Variants in ABHD18 observed in about 807,000 individuals in gnomAD.
ABHD18 encodes the protein cardiolipin-specific deacylase, mitochondrial.
Under a neutral mutation model 65.9 loss-of-function variants are expected in ABHD18, and 55 were observed. That is an observed-to-expected ratio of 0.84 (90% CI 0.67 to 1.05). ABHD18 has a LOEUF of 1.05. Ranked by LOEUF, ABHD18 falls within the 50% of genes least tolerant of loss-of-function variation. The probability of loss-of-function intolerance (pLI) is 0.00; values close to 1 mark genes in which losing one functional copy is unlikely to be tolerated. For synonymous variants in ABHD18, 181 were observed against 180.2 expected, an observed-to-expected ratio of 1.00 and a Z score of -0.04; for missense variants, 533 against 558.5, an observed-to-expected ratio of 0.95 and a Z score of 0.46.
chr4:127,970,452 C>T (rs1005741891), intron 1 of ABHD18, among the ~76,000 whole-genome samples: 4 of 151,290 alleles, frequency 2.6e-5, no homozygotes, highest in African/African-American at 4.9e-5. Flanking sequence ...ATTAGCCAGG[C>T]GTGGTGGTGC....
intron 7 of ABHD18, among the ~76,000 whole-genome samples, chr4:128,012,938 C>T (rs1431472811): frequency 6.6e-6 from 1 of 151,516 alleles, no homozygotes; most frequent in Non-Finnish European, 1.5e-5. Context: ...TGGTGGTATG[C>T]ACCTGTAGTC....
In ABHD18 at chr4:128,037,877, T is replaced by C. The variant is rs1759025166; in HGVS notation, c.*2064T>C. ...TATGGCTCGATTTGGTGCTTTCTTTTTATGTTAAACTTCTCTAGCTGTCAG... is the reference window on the plus strand; with the variant it reads ...TATGGCTCGATTTGGTGCTTTCTTTCTATGTTAAACTTCTCTAGCTGTCAG... On this transcript the variant is annotated 3_prime_UTR_variant, in exon 13 of 13. Coordinates refer to ENST00000645843, the MANE Select transcript of ABHD18 (RefSeq NM_001358451.3). The C allele has an allele frequency of 6.7e-6, 1 of 148,628 alleles. No individual in the cohort carries two copies. Among genetic ancestry groups the C allele is most frequent in the South Asian group, 2.1e-4 (1 of 4,752 alleles). The allele number at this position is 148,628 out of a possible 1,614,324, so 9.2% of individuals were successfully genotyped here. A position where few individuals can be genotyped will look rare whatever the true frequency, so the allele number is the denominator to read the frequency against.
At chr4:127,994,883 C>A (rs1178676857) in intron 4 of ABHD18, among the ~76,000 whole-genome samples, 3 of 151,840 alleles carry the variant, frequency 2.0e-5, no homozygotes, top group Non-Finnish European at 4.4e-5. Context: ...TGTATTTATT[C>A]ATTTTTAAAT....
intron 10 of ABHD18, among the ~76,000 whole-genome samples, chr4:128,024,174 T>G (rs1482952850): frequency 1.3e-5 from 2 of 152,282 alleles, no homozygotes; most frequent in East Asian, 1.9e-4. Flanking sequence ...CTTGCTGCAT[T>G]ATTTCATGGC....
At chr4:128,003,580 C>G (rs145624969) in intron 4 of ABHD18, among the ~76,000 whole-genome samples, 38 of 151,928 alleles carry the variant, frequency 2.5e-4, no homozygotes, top group African/African-American at 8.7e-4. Flanking sequence ...GGCTTTTTAT[C>G]ATAATTTCCA....
chr4:128,035,733 TAG>T (rs1758822674), intron 12 of ABHD18, 27 bp from the exon 13 acceptor site: 1 of 1,410,924 alleles, frequency 7.1e-7, no homozygotes. Flanking sequence ...GTTAGTTACT[TAG>T]AGTTTTTCTT....
At chr4:127,994,873 T>C (rs1751487074) in intron 4 of ABHD18, among the ~76,000 whole-genome samples, 2 of 152,136 alleles carry the variant, frequency 1.3e-5, no homozygotes, top group African/African-American at 2.4e-5. Context: ...ATTTTATGTA[T>C]GTATTTATTC....
intron 10 of ABHD18, among the ~76,000 whole-genome samples, chr4:128,026,686 A>G (rs149491055): frequency 6.6e-6 from 1 of 152,156 alleles, no homozygotes; most frequent in East Asian, 1.9e-4. Context: ...TTTTTACTTA[A>G]ATTCTATTGT....
In ABHD18 at chr4:127,989,744, GA is replaced by G; in HGVS notation, c.202del (p.Ile68SerfsTer2). The G allele has an allele frequency of 6.3e-7, 1 of 1,593,976 alleles. No individual in the cohort carries two copies. Among genetic ancestry groups the G allele is most frequent in the Non-Finnish European group, 8.5e-7 (1 of 1,170,192 alleles). On this transcript the variant is annotated frameshift_variant, in exon 4 of 13. Transcript: ENST00000645843. LOFTEE classifies it high-confidence loss of function. The stretch of plus-strand genomic sequence containing the variant: ...AGATTGAAGAGCAATCAGATTGTAA[GA>G]TCTTAGATGGACACTTTGTTTCCCC... ...DKIEEQSDCK[I>X]LDGHFVSPMA...
At chr4:127,969,626 T>C (rs1362282236) in intron 1 of ABHD18, among the ~76,000 whole-genome samples, 1 of 152,198 alleles carries the variant, frequency 6.6e-6, no homozygotes, top group Non-Finnish European at 1.5e-5. Context: ...ACTTTCTAAT[T>C]CTATATTTTT....
rs1379445016 is a variant in ABHD18 at position 128,022,785 on chromosome 4, T to TC, written c.801+1548dup. Among the ~76,000 whole-genome samples, 13 of 151,372 alleles carry TC rather than the reference T, an allele frequency of 8.6e-5. No individual in the cohort carries two copies. The South Asian group carries it at 2.5e-3, about 29-fold the overall frequency. On this transcript the variant is annotated intron_variant, in intron 10 of 12. Transcript: ENST00000645843. Reference sequence around the variant, plus strand: ...GATCCTTTTCTTTTTTTTTTTTTTTTCTCTGTCTTGCTGTGTCGCCCAGGC... The same window carrying TC: ...GATCCTTTTCTTTTTTTTTTTTTTTTCCTCTGTCTTGCTGTGTCGCCCAGGC...
At position 128,037,970 on chromosome 4, in the gene ABHD18, G is replaced by C. The variant is rs1403723895; in HGVS notation, c.*2157G>C. On this transcript the variant is annotated 3_prime_UTR_variant, in exon 13 of 13. Coordinates refer to ENST00000645843, the MANE Select transcript of ABHD18 (RefSeq NM_001358451.3). ...GAAGTTTTACAGTAGGTATTTTTGA[G>C]TTTTGTTTGAAATCTGTGTTGTCTG... The C allele has an allele frequency of 1.3e-5, 2 of 152,120 alleles. No homozygotes were observed. The highest frequency in any genetic ancestry group is 1.5e-5 in the Non-Finnish European group (1 of 68,028). The allele number at this position is 152,120 out of a possible 1,614,324, so 9.4% of individuals were successfully genotyped here. A position where few individuals can be genotyped will look rare whatever the true frequency, so the allele number is the denominator to read the frequency against.
Position 128,028,990 on chromosome 4 carries a change from G to C in ABHD18, c.1180+137G>C, listed in dbSNP as rs1000768808. 2.9e-5 allele frequency: 19 copies of C among 663,394 alleles called. No individual in the cohort carries two copies. The African/African-American group carries it at 3.4e-4, about 12-fold the overall frequency. 41.1% of individuals were successfully genotyped at this position (663,394 alleles called of 1,614,324 possible). On this transcript the variant is annotated intron_variant, in intron 11 of 12. Transcript: ENST00000645843. ...GTTGGCTCCAGAATATGTTTGCAAA[G>C]ATAAGTTGGTTACTTAAATGTATCA...
At chr4:127,986,017 GA>G (rs1179785515) in intron 3 of ABHD18, among the ~76,000 whole-genome samples, 5 of 150,900 alleles carry the variant, frequency 3.3e-5, no homozygotes, top group East Asian at 1.9e-4. Flanking sequence ...CCGTCTCAAA[GA>G]AAAAAAAATT....
intron 1 of ABHD18, among the ~76,000 whole-genome samples, chr4:127,973,487 G>C (rs1421896943): frequency 6.6e-6 from 1 of 151,934 alleles, no homozygotes; most frequent in African/African-American, 2.4e-5. Flanking sequence ...AAGTATAATT[G>C]GTTTCTCTCA....
intron 10 of ABHD18, among the ~76,000 whole-genome samples, chr4:128,023,531 CTA>C (rs1756874879): frequency 1.4e-5 from 2 of 147,164 alleles, no homozygotes; most frequent in South Asian, 4.4e-4. Flanking sequence ...TAGCAGTGAG[CTA>C]TGATTGTGTC....
chr4:127,974,135 C>A (rs993334955), intron 1 of ABHD18, among the ~76,000 whole-genome samples: 1 of 148,336 alleles, frequency 6.7e-6, no homozygotes, highest in Admixed American at 6.7e-5. Flanking sequence ...AAGCTTCCAA[C>A]TATTTAAATT....
intron 7 of ABHD18, among the ~76,000 whole-genome samples, chr4:128,013,977 C>CTTTTTTT (rs61303818): frequency 8.7e-6 from 1 of 115,130 alleles, no homozygotes; most frequent in Non-Finnish European, 1.8e-5. Flanking sequence ...GAATTTCCAC[C>CTTTTTTT]TTTTTTTTTT....
intron 4 of ABHD18, among the ~76,000 whole-genome samples, chr4:127,996,448 A>AG (rs1229776639): frequency 1.3e-5 from 2 of 151,964 alleles, no homozygotes; most frequent in African/African-American, 2.4e-5. Flanking sequence ...TAAAAAGGGG[A>AG]GGGGGTGTAC....
Sources: allele counts gnomAD v4.1 joint callset (sites outside exome capture counted in the v4.1 genomes callset), GRCh38; gene constraint gnomAD v4.1.1; transcripts MANE v1.5; gene names NCBI Gene and HGNC (gene_info 2026-07-23, HGNC 2026-07-21).